The following NLK variants were observed in gnomAD, a reference collection of about 807,000 sequenced individuals.
NLK encodes nemo like kinase, also known as serine/threonine-protein kinase NLK.
In NLK, 11 loss-of-function variants were observed where a neutral mutation model predicts 59.0. The observed-to-expected ratio is 0.19, with a 90% CI of 0.12 to 0.31. The LOEUF (loss-of-function observed/expected upper bound fraction) is 0.31. NLK is among the 10% of genes least tolerant of loss of function. NLK has a pLI of 1.00. For missense variants in NLK, 410 were observed against 661.1 expected (o/e 0.62, Z 4.16); for synonymous variants, 235 against 235.9 (o/e 1.00, Z 0.03).
intron 1 of NLK, among the ~76,000 whole-genome samples, chr17:28,119,213 T>C (rs547379579): frequency 2.4e-4 from 37 of 152,216 alleles, no homozygotes; most frequent in Non-Finnish European, 4.4e-4. Context: ...CTGTTTGTGC[T>C]GAACCAAAGC....
intron 7 of NLK, among the ~76,000 whole-genome samples, chr17:28,173,285 C>T (rs180869691): frequency 1.1e-4 from 17 of 152,260 alleles, no homozygotes; most frequent in Non-Finnish European, 2.4e-4. Context: ...CAAATTAAAA[C>T]AGAACAGATA....
intron 3 of NLK, among the ~76,000 whole-genome samples, chr17:28,144,102 G>C (rs551528620): frequency 6.6e-6 from 1 of 152,126 alleles, no homozygotes; most frequent in Admixed American, 6.5e-5. Flanking sequence ...ATAGAAAATT[G>C]ACCGCCATCT....
At position 28,163,605 on chromosome 17, in the gene NLK, G is replaced by T; in HGVS notation, c.814G>T (p.Val272Leu). 2 of 1,604,062 alleles carry T rather than the reference G, an allele frequency of 1.2e-6. No homozygotes were observed. The highest frequency in any genetic ancestry group is 1.7e-6 in the Non-Finnish European group (2 of 1,172,430). Residue 272 changes from valine to leucine, a missense_variant, in exon 5 of 11, where the codon GTG becomes TTG. Val to Leu is a conservative substitution (Grantham distance 32). Transcript: ENST00000407008. ...HRDIKPGNLLVNSNCVLKICD... is the reference protein window; with the variant it reads ...HRDIKPGNLLLNSNCVLKICD... ...AGACATTAAGCCAGGGAATCTCCTTGTGAACAGCAACTGTGTTCTAAAGGT... is the reference window on the plus strand; with the variant it reads ...AGACATTAAGCCAGGGAATCTCCTTTTGAACAGCAACTGTGTTCTAAAGGT...
rs923759672 is a variant in NLK at position 28,049,788 on chromosome 17, C to T, written c.458+6457C>T. ...CTGAGGTCAGGAGTTCAAGACCCTCCTGACCAACATGGTGAAATCCCGTCT... is the reference window on the plus strand; with the variant it reads ...CTGAGGTCAGGAGTTCAAGACCCTCTTGACCAACATGGTGAAATCCCGTCT... On this transcript the variant is annotated intron_variant, in intron 1 of 10. Coordinates refer to ENST00000407008, the MANE Select transcript of NLK (RefSeq NM_016231.5). Among the ~76,000 whole-genome samples the T allele has an allele frequency of 5.3e-5, 8 of 152,272 alleles. No individual in the cohort carries two copies. The South Asian group carries it at 1.0e-3, about 20-fold the overall frequency.
At chr17:28,081,657 G>C (rs1196630286) in intron 1 of NLK, among the ~76,000 whole-genome samples, 2 of 152,106 alleles carry the variant, frequency 1.3e-5, no homozygotes, top group Non-Finnish European at 2.9e-5. Context: ...CCCTTCACAT[G>C]GGCCAATGAC....
At chr17:28,133,714 G>C (rs952093353) in intron 3 of NLK, among the ~76,000 whole-genome samples, 6 of 152,128 alleles carry the variant, frequency 3.9e-5, no homozygotes, top group African/African-American at 1.4e-4. Flanking sequence ...GCTCATGATA[G>C]TGCAGTTTAT....
downstream of NLK, among the ~76,000 whole-genome samples, chr17:28,197,447 C>T (rs540514315): frequency 1.4e-4 from 19 of 139,442 alleles, no homozygotes; most frequent in East Asian, 2.5e-3. Flanking sequence ...CCAGACTGGG[C>T]AACAGAGTGA....
intron 5 of NLK, 103 bp from the exon 6 acceptor site, chr17:28,168,345 A>C (rs1908326932): frequency 1.2e-6 from 1 of 865,862 alleles, no homozygotes; most frequent in East Asian, 2.4e-5. Context: ...CAAAAAAAAA[A>C]AAAAAAGTTT....
chr17:28,048,710 T>G (rs1909146229), intron 1 of NLK: 1 of 152,208 alleles, frequency 6.6e-6, no homozygotes, highest in Non-Finnish European at 1.5e-5. Flanking sequence ...GTGTCAGAGT[T>G]TTCTCTGCCT....
chr17:28,046,492 CCTT>C (rs1197338563), intron 1 of NLK, among the ~76,000 whole-genome samples: 1 of 152,146 alleles, frequency 6.6e-6, no homozygotes, highest in Admixed American at 6.5e-5. Context: ...TACAATTTGA[CCTT>C]CTTTTTGAGA....
intron 2 of NLK, among the ~76,000 whole-genome samples, chr17:28,123,090 T>TG (rs1906136859): frequency 1.3e-5 from 2 of 152,198 alleles, no homozygotes; most frequent in African/African-American, 4.8e-5. Context: ...TAGACTCACC[T>TG]GGGGAGTCCA....
intron 1 of NLK, among the ~76,000 whole-genome samples, chr17:28,053,741 C>T (rs1909343008): frequency 6.6e-6 from 1 of 152,180 alleles, no homozygotes; most frequent in Admixed American, 6.5e-5. Context: ...AGCTTTTCTT[C>T]CTGTCTGCAT....
intron 3 of NLK, among the ~76,000 whole-genome samples, chr17:28,135,264 C>A (rs922600619): frequency 6.6e-6 from 1 of 152,148 alleles, no homozygotes; most frequent in Non-Finnish European, 1.5e-5. Flanking sequence ...CTCAGTGATT[C>A]GCTAGAAGAA....
At chr17:28,160,946 T>C (rs1907979256) in intron 3 of NLK, among the ~76,000 whole-genome samples, 1 of 152,252 alleles carries the variant, frequency 6.6e-6, no homozygotes, top group African/African-American at 2.4e-5. Context: ...AATCATTTGG[T>C]CGTTTACTTC....
At chr17:28,200,709 C>T (rs1024408341), downstream of NLK, among the ~76,000 whole-genome samples, 1 of 152,224 alleles carries the variant, frequency 6.6e-6, no homozygotes, top group Non-Finnish European at 1.5e-5. Flanking sequence ...GCCTCGAACT[C>T]CTGACCACAG....
chr17:28,102,482 C>T (rs1904936584), intron 1 of NLK, among the ~76,000 whole-genome samples: 1 of 151,894 alleles, frequency 6.6e-6, no homozygotes, highest in South Asian at 2.1e-4. Flanking sequence ...AACTCTGTCT[C>T]TACTAAAAAT....
At chr17:28,203,357 G>A in the NLK span, among the ~76,000 whole-genome samples, 2 of 152,038 alleles carry the variant, frequency 1.3e-5, no homozygotes, top group Non-Finnish European at 2.9e-5. Context: ...AGTTTTGGGT[G>A]TCTGTGGACC....
At chr17:28,128,709 G>A (rs114266680) in intron 2 of NLK, among the ~76,000 whole-genome samples, 1,576 of 152,286 alleles carry the variant, frequency 0.01, 31 homozygotes, top group African/African-American at 0.036. Flanking sequence ...TTGCTAGTGA[G>A]AGCATAAATT....
chr17:28,092,265 G>C lies in NLK; in HGVS notation c.459-30338G>C, dbSNP rs148403200. 5.9e-3 allele frequency among the ~76,000 whole-genome samples: 889 copies of C among 151,724 alleles called. 11 individuals carry two copies. Among genetic ancestry groups the C allele is most frequent in the African/African-American group, 0.02 (844 of 41,322 alleles). On this transcript the variant is annotated intron_variant, in intron 1 of 10. Transcript: ENST00000407008. ...TTTTTAAAGAAACCAAAGAAAAGGC[G>C]GGGGGGTGGGGGGAGAAGGAAAGGT...
Sources: gnomAD v4.1 joint callset for allele counts (sites outside exome capture counted in the v4.1 genomes callset) on GRCh38, gnomAD v4.1.1 for gene constraint, MANE v1.5 for transcripts, NCBI Gene and HGNC (gene_info 2026-07-23, HGNC 2026-07-21) for gene names.